Variants in PTPRJ observed in about 807,000 individuals in gnomAD.
PTPRJ encodes receptor-type tyrosine-protein phosphatase eta.
Under a neutral mutation model 141.3 loss-of-function variants are expected in PTPRJ, and 129 were observed. The observed-to-expected ratio is 0.91, with a 90% confidence interval of 0.79 to 1.06. The LOEUF is 1.06. Among genes scored for constraint, PTPRJ ranks in the 50% least tolerant of loss-of-function variants. The pLI is 0.00. For missense variants in PTPRJ, 1,601 were observed against 1,679.7 expected (o/e 0.95, Z 0.82); for synonymous variants, 610 against 640.5 (o/e 0.95, Z 0.72).
chr11:48,116,245 G>A (rs1856564520), intron 3 of PTPRJ, among the ~76,000 whole-genome samples: 1 of 152,038 alleles, frequency 6.6e-6, no homozygotes. Flanking sequence ...CCATGCTAAT[G>A]GAAATCTAAA....
intron 1 of PTPRJ, among the ~76,000 whole-genome samples, chr11:48,011,709 T>G (rs1854795507): frequency 6.6e-6 from 1 of 152,106 alleles, no homozygotes; most frequent in Non-Finnish European, 1.5e-5. Context: ...CAGGCTGGAG[T>G]GCAGTAGCAC....
intron 1 of PTPRJ, among the ~76,000 whole-genome samples, chr11:48,063,836 G>A (rs772815258): frequency 6.6e-6 from 1 of 151,944 alleles, no homozygotes; most frequent in Non-Finnish European, 1.5e-5. Flanking sequence ...GAACTTTTTC[G>A]CCCTTCTGTT....
At position 48,139,514 on chromosome 11, in the gene PTPRJ, C is replaced by A; in HGVS notation, c.2181C>A (p.Cys727Ter). The change falls in exon 11 of 25, where the codon TGC becomes TGA. Residue 727 changes from cysteine to a stop codon, truncating the protein, a stop_gained. Transcript: ENST00000418331. LOFTEE classifies it high-confidence loss of function. ...CTGCGTCCATGGCCTCCTTCGACTG[C>A]GAAGTGGTCCCCAAAGAGCCAGCCC... ...TDPASMASFDCEVVPKEPALV... is the reference protein window; with the variant it reads ...TDPASMASFD The A allele has an allele frequency of 6.2e-7, 1 of 1,614,136 alleles. No homozygotes were observed. The highest frequency in any genetic ancestry group is 8.5e-7 in the Non-Finnish European group (1 of 1,179,958).
At chr11:47,983,544 G>GA (rs1162241592) in intron 1 of PTPRJ, among the ~76,000 whole-genome samples, 1 of 152,226 alleles carries the variant, frequency 6.6e-6, no homozygotes, top group Non-Finnish European at 1.5e-5. Context: ...AGTAGGCCCG[G>GA]AAAAGCAATT....
At chr11:48,106,022 C>G (rs1451759691) in intron 1 of PTPRJ, among the ~76,000 whole-genome samples, 1 of 152,166 alleles carries the variant, frequency 6.6e-6, no homozygotes, top group East Asian at 1.9e-4. Context: ...CTCACTCACC[C>G]TCATTGAGTG....
At chr11:48,149,419 C>G (rs1212565957) in intron 15 of PTPRJ, 28 bp from the exon 16 acceptor site, 1 of 1,454,502 alleles carries the variant, frequency 6.9e-7, no homozygotes, top group African/African-American at 1.4e-5. Context: ...CCTTTTTTGT[C>G]TAATGGGTCT....
rs1857947479 is a variant in PTPRJ at position 48,167,592 on chromosome 11, A to T, written c.*230A>T. 2.6e-6 allele frequency: 1 copy of T among 381,804 alleles called. No homozygotes were observed. Among genetic ancestry groups the T allele is most frequent in the Non-Finnish European group, 4.6e-6 (1 of 219,254 alleles). 23.7% of individuals were successfully genotyped at this position (381,804 alleles called of 1,614,324 possible). A position where few individuals can be genotyped will look rare whatever the true frequency, so the allele number is the denominator to read the frequency against. ...ATCTGCATTCCTGATGACCAATGGG[A>T]TGAGGTCACTTTTTTTTTTTTTCCC... On this transcript the variant is annotated 3_prime_UTR_variant, in exon 25 of 25. Coordinates refer to ENST00000418331, the MANE Select transcript of PTPRJ (RefSeq NM_002843.4).
intron 1 of PTPRJ, 112 bp downstream of exon 1, chr11:47,981,120 C>T (rs1853893295): frequency 9.8e-7 from 1 of 1,018,530 alleles, no homozygotes. Flanking sequence ...GGGCGGGGGT[C>T]CGGATCCCCG....
At chr11:48,051,684 G>A (rs1854574619) in intron 1 of PTPRJ, among the ~76,000 whole-genome samples, 1 of 152,182 alleles carries the variant, frequency 6.6e-6, no homozygotes, top group Admixed American at 6.5e-5. Context: ...AGCCCTGTGG[G>A]CTTGGGAGTG....
At chr11:48,018,948 G>A (rs1474133966) in intron 1 of PTPRJ, among the ~76,000 whole-genome samples, 3 of 152,156 alleles carry the variant, frequency 2.0e-5, no homozygotes, top group Non-Finnish European at 4.4e-5. Flanking sequence ...TGGGGAGGGG[G>A]GCAGGGGAGT....
At chr11:48,095,874 C>A (rs565098556) in intron 1 of PTPRJ, among the ~76,000 whole-genome samples, 4 of 152,312 alleles carry the variant, frequency 2.6e-5, no homozygotes, top group African/African-American at 7.2e-5. Context: ...AGCCACCATG[C>A]CCTGCCTCAA....
intron 1 of PTPRJ, among the ~76,000 whole-genome samples, chr11:48,074,181 C>T (rs1169706577): frequency 1.1e-4 from 16 of 151,834 alleles, no homozygotes. Context: ...GGTTTCACCA[C>T]GTTGCTCAGG....
chr11:48,139,537 C>T lies in PTPRJ; in HGVS notation c.2204C>T (p.Ala735Val). 1 of 1,614,220 alleles carries T rather than the reference C, an allele frequency of 6.2e-7. No homozygotes were observed. The highest frequency in any genetic ancestry group is 8.5e-7 in the Non-Finnish European group (1 of 1,180,042). ...TGCGAAGTGGTCCCCAAAGAGCCAG[C>T]CCTGGTTCTCAAATGGACCTGCCCT... is the stretch of plus-strand genomic sequence containing the variant. ...FDCEVVPKEPALVLKWTCPPG... is the reference protein window; with the variant it reads ...FDCEVVPKEPVLVLKWTCPPG... Residue 735 changes from alanine to valine, a missense_variant, in exon 11 of 25, where the codon GCC becomes GTC. Ala to Val is a moderately conservative substitution (Grantham distance 64). Transcript: ENST00000418331.
At chr11:47,993,923 G>C (rs962039473) in intron 1 of PTPRJ, among the ~76,000 whole-genome samples, 3 of 151,724 alleles carry the variant, frequency 2.0e-5, no homozygotes, top group Non-Finnish European at 4.4e-5. Flanking sequence ...CTGCCTCCCG[G>C]GTTCAAGCAG....
intron 24 of PTPRJ, among the ~76,000 whole-genome samples, chr11:48,165,312 A>G (rs1376269195): frequency 6.6e-6 from 1 of 152,272 alleles, no homozygotes; most frequent in Non-Finnish European, 1.5e-5. Context: ...TTTAAAGACT[A>G]TCAATTATCA....
chr11:48,078,051 T>C (rs1028932605), intron 1 of PTPRJ, among the ~76,000 whole-genome samples: 4 of 152,004 alleles, frequency 2.6e-5, no homozygotes, highest in Admixed American at 6.6e-5. Context: ...TCAGTGTTTT[T>C]TTTTTCTTTT....
intron 1 of PTPRJ, among the ~76,000 whole-genome samples, chr11:48,032,837 TG>T (rs1854018835): frequency 1.3e-5 from 2 of 152,234 alleles, no homozygotes; most frequent in Admixed American, 6.5e-5. Flanking sequence ...CAACACAGTT[TG>T]TTCCAAACAC....
chr11:48,024,565 G>A (rs902547324), intron 1 of PTPRJ, among the ~76,000 whole-genome samples: 2 of 152,050 alleles, frequency 1.3e-5, no homozygotes, highest in Non-Finnish European at 2.9e-5. Flanking sequence ...CTGTTTCTAC[G>A]ATCAAAGTAG....
At chr11:48,081,966 A>G (rs1430822168) in intron 1 of PTPRJ, among the ~76,000 whole-genome samples, 2 of 152,162 alleles carry the variant, frequency 1.3e-5, no homozygotes, top group African/African-American at 4.8e-5. Context: ...GTGGCCCACT[A>G]GAACAGAAGG....
Sources: gnomAD v4.1 joint callset for allele counts (sites outside exome capture counted in the v4.1 genomes callset) on GRCh38, gnomAD v4.1.1 for gene constraint, MANE v1.5 for transcripts, NCBI Gene and HGNC (gene_info 2026-07-23, HGNC 2026-07-21) for gene names.